Variants in RSPO2 observed in about 807,000 individuals in gnomAD.
RSPO2 encodes the protein R-spondin 2.
Under a neutral mutation model 30.9 loss-of-function variants are expected in RSPO2, and 14 were observed. The ratio of observed to expected loss-of-function variants is 0.45; its 90% CI spans 0.30 to 0.71. The LOEUF is 0.71. Among genes scored for constraint, RSPO2 ranks in the 30% least tolerant of loss-of-function variants. The probability of loss-of-function intolerance (pLI) is 0.08; values close to 1 mark genes in which losing one functional copy is unlikely to be tolerated. For synonymous variants in RSPO2, 107 were observed against 96.4 expected (o/e 1.11, Z -0.64); for missense variants, 264 against 301.9 (o/e 0.87, Z 0.93).
rs564531762 is a variant in RSPO2 at position 107,945,317 on chromosome 8, C to T, written c.616+12763G>A. Among the ~76,000 whole-genome samples the T allele has an allele frequency of 2.9e-3, 384 of 133,658 alleles. 3 individuals carry two copies. The highest frequency in any genetic ancestry group is 9.3e-3 in the Middle Eastern group (2 of 216). 87.7% of individuals were successfully genotyped at this position (133,658 alleles called of 152,430 possible). On this transcript the variant is annotated intron_variant, in intron 5 of 5. Transcript: ENST00000276659. The stretch of plus-strand genomic sequence containing the variant: ...AGGCTGGAGTGCAGTGGCGCGATCT[C>T]GGCTCACTACAAGCTCCGCCTCCCG...
At chr8:108,017,055 C>T (rs1223192378) in intron 2 of RSPO2, among the ~76,000 whole-genome samples, 7 of 150,534 alleles carry the variant, frequency 4.7e-5, no homozygotes, top group Non-Finnish European at 1.0e-4. Flanking sequence ...TTCACTCTGT[C>T]GCCCAGGCTG....
rs186772779 is a variant in RSPO2 at position 107,952,797 on chromosome 8, A to G, written c.616+5283T>C. Among the ~76,000 whole-genome samples, 545 of 152,266 alleles carry G rather than the reference A, an allele frequency of 3.6e-3. 4 individuals are homozygous for G. Among genetic ancestry groups the G allele is most frequent in the African/African-American group, 0.013 (530 of 41,564 alleles). On this transcript the variant is annotated intron_variant, in intron 5 of 5. Transcript: ENST00000276659. ...TCAGTTTATACACACACGAAAAAAC[A>G]TAGGTTTGGAGAAGTCTTACTACTA...
At chr8:108,054,488 C>T (rs13282993) in intron 2 of RSPO2, among the ~76,000 whole-genome samples, 48,940 of 151,956 alleles carry the variant, frequency 0.32, 8,563 homozygotes, top group African/African-American at 0.47. Flanking sequence ...CTTCCACCCA[C>T]ATTCCATGAG....
intron 2 of RSPO2, among the ~76,000 whole-genome samples, chr8:108,019,586 T>C (rs1009689202): frequency 2.6e-5 from 4 of 152,180 alleles, no homozygotes; most frequent in African/African-American, 9.7e-5. Flanking sequence ...TAAACTTTCC[T>C]TTAATGGTTT....
intron 2 of RSPO2, among the ~76,000 whole-genome samples, chr8:108,007,429 C>G (rs1450619236): frequency 6.6e-6 from 1 of 152,092 alleles, no homozygotes; most frequent in Non-Finnish European, 1.5e-5. Context: ...AGAAAAGTTG[C>G]CTTTATAATG....
At chr8:108,078,467 C>T (rs1456658873) in intron 2 of RSPO2, among the ~76,000 whole-genome samples, 1 of 152,028 alleles carries the variant, frequency 6.6e-6, no homozygotes, top group Non-Finnish European at 1.5e-5. Context: ...TAGTATGTTC[C>T]ATGTGTCATT....
intron 2 of RSPO2, among the ~76,000 whole-genome samples, chr8:108,045,330 A>T (rs1286890272): frequency 6.6e-6 from 1 of 152,146 alleles, no homozygotes; most frequent in Non-Finnish European, 1.5e-5. Context: ...GCTCCCTATC[A>T]CTCATCATCA....
chr8:108,056,623 C>CAAAAAAAAAAAAAAAAAAAAAAAA (rs56256415), intron 2 of RSPO2, among the ~76,000 whole-genome samples: 12 of 71,822 alleles, frequency 1.7e-4, no homozygotes, highest in East Asian at 3.2e-4. Context: ...AGACCCGTCT[C>CAAAAAAAAAAAAAAAAAAAAAAAA]AAAAAAAAAA....
At chr8:107,923,678 T>C (rs1156881487) in intron 5 of RSPO2, among the ~76,000 whole-genome samples, 1 of 152,102 alleles carries the variant, frequency 6.6e-6, no homozygotes, top group African/African-American at 2.4e-5. Flanking sequence ...AAGATGCCCA[T>C]CAATGATAGA....
In RSPO2 at chr8:107,941,891, G is replaced by GT. The variant is rs766438024; in HGVS notation, c.616+16188dup. Among the ~76,000 whole-genome samples the GT allele has an allele frequency of 3.3e-3, 503 of 152,274 alleles. 2 individuals are homozygous for GT. Among genetic ancestry groups the GT allele is most frequent in the Non-Finnish European group, 5.3e-3 (361 of 68,010 alleles). On this transcript the variant is annotated intron_variant, in intron 5 of 5. Coordinates refer to ENST00000276659, the MANE Select transcript of RSPO2 (RefSeq NM_178565.5). The stretch of plus-strand genomic sequence containing the variant: ...ATGAAAAGGGAAAGATTTGAATTAG[G>GT]TTCTAGAAAGTCTCATGATTGTGCA...
intron 3 of RSPO2, among the ~76,000 whole-genome samples, chr8:107,967,951 T>C (rs542492003): frequency 8.5e-5 from 13 of 152,148 alleles, no homozygotes; most frequent in Non-Finnish European, 1.6e-4. Context: ...GTCTCTATCT[T>C]ACAGGCTTTT....
At chr8:107,935,053 G>C (rs1283174889) in intron 5 of RSPO2, among the ~76,000 whole-genome samples, 2 of 152,168 alleles carry the variant, frequency 1.3e-5, no homozygotes, top group Non-Finnish European at 2.9e-5. Flanking sequence ...GATTTTCAGG[G>C]AACAAGGGAG....
intron 2 of RSPO2, among the ~76,000 whole-genome samples, chr8:108,037,859 C>A (rs770882831): frequency 6.6e-6 from 1 of 152,112 alleles, no homozygotes; most frequent in South Asian, 2.1e-4. Context: ...GTTTTAAGCC[C>A]GCTGTTGAGA....
chr8:108,082,635 G>A lies in RSPO2; in HGVS notation c.4C>T (p.Gln2Ter). M[Q>*]FRLFSFALII... Reference sequence around the variant, plus strand: ...AGGGCAAAGGAGAAAAGGCGAAACTGCATCTGGGCGGTCGGGCGGGGGAGA... The same window carrying A: ...AGGGCAAAGGAGAAAAGGCGAAACTACATCTGGGCGGTCGGGCGGGGGAGA... The change falls in exon 2 of 6, where the codon CAG becomes TAG. Residue 2 changes from glutamine to a stop codon, truncating the protein, a stop_gained. Transcript: ENST00000276659. LOFTEE classifies it high-confidence loss of function. 1 of 1,613,794 alleles carries A rather than the reference G, an allele frequency of 6.2e-7. No homozygotes were observed. Among genetic ancestry groups the A allele is most frequent in the Non-Finnish European group, 8.5e-7 (1 of 1,179,754 alleles).
At chr8:107,985,424 A>T (rs1233056404) in intron 3 of RSPO2, among the ~76,000 whole-genome samples, 2 of 152,186 alleles carry the variant, frequency 1.3e-5, no homozygotes, top group Non-Finnish European at 2.9e-5. Flanking sequence ...GCAATTAACT[A>T]TAGTATAACC....
intron 5 of RSPO2, among the ~76,000 whole-genome samples, chr8:107,953,854 A>C (rs1213182977): frequency 2.6e-5 from 4 of 152,156 alleles, no homozygotes; most frequent in African/African-American, 9.7e-5. Context: ...GATCAAATGT[A>C]ACTTCCTCAA....
chr8:107,981,879 A>G (rs544859326), intron 3 of RSPO2, among the ~76,000 whole-genome samples: 1 of 152,028 alleles, frequency 6.6e-6, no homozygotes, highest in South Asian at 2.1e-4. Context: ...TACATTTTTT[A>G]AAAAATTAGC....
intron 2 of RSPO2, among the ~76,000 whole-genome samples, chr8:108,036,752 G>C (rs1034665403): frequency 4.6e-5 from 7 of 152,100 alleles, no homozygotes; most frequent in African/African-American, 1.7e-4. Context: ...CAAGTCTATT[G>C]GCACCATTCT....
chr8:108,060,070 A>G (rs2130700965), intron 2 of RSPO2, among the ~76,000 whole-genome samples: 1 of 151,930 alleles, frequency 6.6e-6, no homozygotes, highest in Non-Finnish European at 1.5e-5. Context: ...ATGGCCAAAT[A>G]GGAACAGCTC....
Sources: allele counts gnomAD v4.1 joint callset (sites outside exome capture counted in the v4.1 genomes callset), GRCh38; gene constraint gnomAD v4.1.1; transcripts MANE v1.5; gene names NCBI Gene and HGNC (gene_info 2026-07-23, HGNC 2026-07-21).